TTC29: variants seen among roughly 807,000 people sequenced by gnomAD.
The protein encoded by TTC29 is tetratricopeptide repeat protein 29.
TTC29 carries 49 observed loss-of-function variants against 58.1 expected under a neutral mutation model. The observed-to-expected ratio is 0.84, with a 90% CI of 0.67 to 1.07. TTC29 has a LOEUF of 1.07. Ranked by LOEUF, TTC29 falls within the 50% of genes least tolerant of loss-of-function variation. The probability of loss-of-function intolerance (pLI) is 0.00; values close to 1 mark genes in which losing one functional copy is unlikely to be tolerated. For synonymous variants in TTC29, 209 were observed against 196.8 expected (o/e 1.06, Z -0.52); for missense variants, 582 against 555.6 (o/e 1.05, Z -0.48).
At chr4:146,871,198 A>G (rs1730906114) in intron 7 of TTC29, among the ~76,000 whole-genome samples, 1 of 151,930 alleles carries the variant, frequency 6.6e-6, no homozygotes, top group Non-Finnish European at 1.5e-5. Context: ...ATCAATTAGT[A>G]TAATATAACA....
chr4:146,908,051 T>C (rs1403390579), intron 5 of TTC29, among the ~76,000 whole-genome samples: 1 of 152,142 alleles, frequency 6.6e-6, no homozygotes, highest in Non-Finnish European at 1.5e-5. Flanking sequence ...TGATGGGAAA[T>C]ATGTATTGGC....
At chr4:146,923,316 A>G (rs917943650) in intron 4 of TTC29, among the ~76,000 whole-genome samples, 1 of 151,792 alleles carries the variant, frequency 6.6e-6, no homozygotes, top group African/African-American at 2.4e-5. Flanking sequence ...ATTTAGATAC[A>G]AAAATCACAC....
intron 11 of TTC29, among the ~76,000 whole-genome samples, chr4:146,756,147 G>A (rs2150054962): frequency 6.6e-6 from 1 of 151,988 alleles, no homozygotes; most frequent in Admixed American, 6.6e-5. Flanking sequence ...AGTGGCAGGT[G>A]CCTGTAGTCC....
intron 4 of TTC29, among the ~76,000 whole-genome samples, chr4:146,917,951 G>C (rs1263822592): frequency 6.7e-6 from 1 of 150,174 alleles, no homozygotes; most frequent in East Asian, 1.9e-4. Flanking sequence ...TATTAATATA[G>C]CATTCTGTTT....
intron 11 of TTC29, among the ~76,000 whole-genome samples, chr4:146,790,535 T>G (rs75598487): frequency 6.6e-6 from 1 of 152,104 alleles, no homozygotes; most frequent in Admixed American, 6.6e-5. Context: ...TTTTTTTTTT[T>G]GTAGCACTTA....
chr4:146,745,876 T>C (rs887560734), intron 11 of TTC29, among the ~76,000 whole-genome samples: 1 of 152,272 alleles, frequency 6.6e-6, no homozygotes, highest in Non-Finnish European at 1.5e-5. Context: ...CTTTTGCTTT[T>C]AGTACTGGCC....
At chr4:146,740,953 C>T (rs1745090734) in intron 11 of TTC29, among the ~76,000 whole-genome samples, 1 of 152,100 alleles carries the variant, frequency 6.6e-6, no homozygotes, top group Admixed American at 6.6e-5. Flanking sequence ...AACTCCTGGG[C>T]TCAAACAACC....
intron 8 of TTC29, among the ~76,000 whole-genome samples, chr4:146,856,251 A>T (rs1226588896): frequency 6.6e-6 from 1 of 152,180 alleles, no homozygotes; most frequent in Non-Finnish European, 1.5e-5. Flanking sequence ...TTAAAATGTG[A>T]ATACCTAGAT....
At chr4:146,921,601 C>G (rs1187616844) in intron 4 of TTC29, among the ~76,000 whole-genome samples, 2 of 150,728 alleles carry the variant, frequency 1.3e-5, no homozygotes, top group Non-Finnish European at 3.0e-5. Flanking sequence ...TTATTATAAA[C>G]AGATCAATTT....
At chr4:146,719,821 C>T (rs552892239) in intron 11 of TTC29, among the ~76,000 whole-genome samples, 86 of 152,026 alleles carry the variant, frequency 5.7e-4, no homozygotes, top group African/African-American at 2.0e-3. Flanking sequence ...GATTCAGCTT[C>T]ATAAAGTCAG....
intron 7 of TTC29, among the ~76,000 whole-genome samples, chr4:146,870,270 AG>A (rs1449891100): frequency 6.6e-6 from 1 of 152,132 alleles, no homozygotes; most frequent in Non-Finnish European, 1.5e-5. Context: ...AATGGGTCAA[AG>A]AAGAACACAA....
chr4:146,804,127 C>A (rs150740766), intron 10 of TTC29, among the ~76,000 whole-genome samples: 1 of 152,068 alleles, frequency 6.6e-6, no homozygotes, highest in Non-Finnish European at 1.5e-5. Flanking sequence ...CATTGCTTCA[C>A]CTGGGAAGTG....
intron 11 of TTC29, among the ~76,000 whole-genome samples, chr4:146,711,653 G>A (rs1742502118): frequency 6.6e-6 from 1 of 152,080 alleles, no homozygotes; most frequent in South Asian, 2.1e-4. Context: ...GTAACATTAT[G>A]CTATTATTAA....
At chr4:146,790,227 C>T (rs887598072) in intron 11 of TTC29, among the ~76,000 whole-genome samples, 26 of 150,586 alleles carry the variant, frequency 1.7e-4, no homozygotes, top group Non-Finnish European at 3.4e-4. Flanking sequence ...CTCACTCTGT[C>T]GCCCAGGCTG....
At chr4:146,740,797 A>G (rs562264287) in intron 11 of TTC29, among the ~76,000 whole-genome samples, 2 of 152,240 alleles carry the variant, frequency 1.3e-5, no homozygotes, top group East Asian at 3.9e-4. Context: ...TGGCTTGATC[A>G]TAGCTCATAG....
intron 11 of TTC29, among the ~76,000 whole-genome samples, chr4:146,737,288 T>G (rs1744778242): frequency 6.6e-6 from 1 of 152,044 alleles, no homozygotes; most frequent in African/African-American, 2.4e-5. Context: ...AAGTCAATAT[T>G]CATTAGAAGA....
intron 8 of TTC29, among the ~76,000 whole-genome samples, chr4:146,853,484 A>C (rs12500369): frequency 0.073 from 11,059 of 152,160 alleles, 504 homozygotes; most frequent in Admixed American, 0.13. Context: ...GGATACCCAA[A>C]AATGATTTAT....
At chr4:146,838,941 T>C (rs1728677872) in intron 8 of TTC29, among the ~76,000 whole-genome samples, 1 of 152,008 alleles carries the variant, frequency 6.6e-6, no homozygotes, top group South Asian at 2.1e-4. Context: ...AACTATCACT[T>C]CAGGCCTACC....
intron 10 of TTC29, among the ~76,000 whole-genome samples, chr4:146,814,425 A>G (rs1751243260): frequency 6.7e-6 from 1 of 148,482 alleles, no homozygotes; most frequent in South Asian, 2.3e-4. Flanking sequence ...CTATTTAAAA[A>G]AAAGTTGGGG....
Sources: gnomAD v4.1 joint callset for allele counts (sites outside exome capture counted in the v4.1 genomes callset) on GRCh38, gnomAD v4.1.1 for gene constraint, MANE v1.5 for transcripts, NCBI Gene and HGNC (gene_info 2026-07-23, HGNC 2026-07-21) for gene names.